Variants in SHANK2 observed in about 807,000 individuals in gnomAD.
The protein encoded by SHANK2 is SH3 and multiple ankyrin repeat domains 2.
Under a neutral mutation model 133.7 loss-of-function variants are expected in SHANK2, and 43 were observed. The ratio of observed to expected loss-of-function variants is 0.32; its 90% CI spans 0.25 to 0.41. The LOEUF (loss-of-function observed/expected upper bound fraction) is 0.41. Among genes scored for constraint, SHANK2 ranks in the 10% least tolerant of loss-of-function variants. The pLI is 1.00. For synonymous variants in SHANK2, 1,017 were observed against 952.8 expected, an observed-to-expected ratio of 1.07 and a Z score of -1.24; for missense variants, 1,994 against 2,235.8, an observed-to-expected ratio of 0.89 and a Z score of 2.18.
intron 2 of SHANK2, among the ~76,000 whole-genome samples, chr11:71,196,834 C>G (rs953227025): frequency 6.6e-5 from 10 of 151,806 alleles, no homozygotes; most frequent in Admixed American, 6.6e-5. Flanking sequence ...CCCATCTCTA[C>G]TAAAGATACA....
rs559126289 is a variant in SHANK2, at chr11:71,117,761, G to T, written c.411+1068C>A. On this transcript the variant is annotated intron_variant, in intron 4 of 25. Coordinates refer to ENST00000601538, the MANE Select transcript of SHANK2 (RefSeq NM_012309.5). The stretch of plus-strand genomic sequence containing the variant: ...CTCCTGCACGCTGGGCCCTCCCGAC[G>T]TCGCCTAGTGCACCTCTTCATCAGC... Among the ~76,000 whole-genome samples, 3 of 152,310 alleles carry T rather than the reference G, an allele frequency of 2.0e-5. No homozygotes were observed. In the South Asian group the frequency reaches 6.2e-4, roughly 32 times the overall value.
rs148306505 is a variant in SHANK2, at chr11:71,218,197, A to G, written c.-13+6500T>C. On this transcript the variant is annotated intron_variant, in intron 2 of 25. Coordinates refer to ENST00000601538, the MANE Select transcript of SHANK2 (RefSeq NM_012309.5). Reference sequence around the variant, plus strand: ...TTTAAAAAAATTAAAAGTTTATAAAATAAAAAAGTTACAGTAAGCTAAAGT... The same window carrying G: ...TTTAAAAAAATTAAAAGTTTATAAAGTAAAAAAGTTACAGTAAGCTAAAGT... Among the ~76,000 whole-genome samples the G allele has an allele frequency of 1.4e-3, 210 of 152,140 alleles. 3 individuals carry two copies. In the East Asian group the frequency reaches 0.037, roughly 27 times the overall value.
At chr11:70,632,316 G>A (rs1282361839) in intron 17 of SHANK2, among the ~76,000 whole-genome samples, 4 of 151,790 alleles carry the variant, frequency 2.6e-5, no homozygotes, top group Admixed American at 6.6e-5. Flanking sequence ...TAGTAGAGAC[G>A]GGGTTTTACC....
intron 17 of SHANK2, among the ~76,000 whole-genome samples, chr11:70,505,479 TG>T (rs1401593260): frequency 1.3e-5 from 2 of 152,004 alleles, no homozygotes; most frequent in Non-Finnish European, 2.9e-5. Flanking sequence ...CCCAGCTGCC[TG>T]GCCACTAGAT....
chr11:70,847,907 C>T (rs554766120), intron 11 of SHANK2, among the ~76,000 whole-genome samples: 2 of 152,352 alleles, frequency 1.3e-5, no homozygotes, highest in Admixed American at 1.3e-4. Flanking sequence ...CAGGAGACCA[C>T]GTCCTCCCAG....
chr11:70,691,783 A>G (rs1343049341), intron 15 of SHANK2, among the ~76,000 whole-genome samples: 10 of 152,072 alleles, frequency 6.6e-5, no homozygotes, highest in African/African-American at 2.4e-4. Flanking sequence ...AATTCCAGCT[A>G]CTCAGGAGGT....
chr11:71,061,882 G>T (rs1470145867), intron 9 of SHANK2, among the ~76,000 whole-genome samples: 1 of 151,616 alleles, frequency 6.6e-6, no homozygotes, highest in African/African-American at 2.4e-5. Flanking sequence ...TGCAGGACTT[G>T]CCCTGTGTCC....
At chr11:70,545,888 C>G (rs1221713005) in intron 17 of SHANK2, among the ~76,000 whole-genome samples, 1 of 152,162 alleles carries the variant, frequency 6.6e-6, no homozygotes, top group African/African-American at 2.4e-5. Flanking sequence ...AACCCTTGCT[C>G]AGGTCTGATA....
chr11:71,239,191 C>T (rs139546704), intron 1 of SHANK2, among the ~76,000 whole-genome samples: 3 of 152,320 alleles, frequency 2.0e-5, no homozygotes, highest in African/African-American at 7.2e-5. Flanking sequence ...GGTTGTAACA[C>T]GCAACATGCT....
intron 11 of SHANK2, among the ~76,000 whole-genome samples, chr11:70,867,680 C>G (rs1397183827): frequency 1.3e-5 from 2 of 152,212 alleles, no homozygotes; most frequent in East Asian, 1.9e-4. Context: ...CAGACATCCA[C>G]GTCTCACCCC....
chr11:70,677,574 C>A (rs182517974), intron 15 of SHANK2, among the ~76,000 whole-genome samples: 37 of 152,308 alleles, frequency 2.4e-4, no homozygotes, highest in Non-Finnish European at 8.8e-5. Context: ...CTGGTTGCCC[C>A]TGGACAACCC....
At chr11:70,664,051 C>T (rs1320700436) in intron 15 of SHANK2, among the ~76,000 whole-genome samples, 4 of 152,184 alleles carry the variant, frequency 2.6e-5, no homozygotes, top group African/African-American at 9.7e-5. Flanking sequence ...TAACCTCCAG[C>T]AGGCCTGGTA....
chr11:70,677,525 A>T (rs1944925851), intron 15 of SHANK2, among the ~76,000 whole-genome samples: 1 of 152,160 alleles, frequency 6.6e-6, no homozygotes, highest in African/African-American at 2.4e-5. Context: ...TGGCCACAGC[A>T]TGGGGGCTGA....
rs1947919887 is a variant in SHANK2, at chr11:70,796,578, G to A, written c.1777+1865C>T. ...GGAGGCAAGCTGAGCTCCAGGGCCT[G>A]GCCCTTCTCAGACAAGTGAGGCAGG... is the stretch of plus-strand genomic sequence containing the variant. On this transcript the variant is annotated intron_variant, in intron 14 of 25. Coordinates refer to ENST00000601538, the MANE Select transcript of SHANK2 (RefSeq NM_012309.5). Among the ~76,000 whole-genome samples, 3 of 152,326 alleles carry A rather than the reference G, an allele frequency of 2.0e-5. No homozygotes were observed. The South Asian group carries it at 6.2e-4, about 32-fold the overall frequency.
intron 10 of SHANK2, among the ~76,000 whole-genome samples, chr11:70,903,278 G>A (rs547040794): frequency 7.2e-5 from 11 of 152,100 alleles, no homozygotes; most frequent in Non-Finnish European, 1.0e-4. Context: ...TCGGGAGTCC[G>A]AGGCAAAAGA....
chr11:71,104,815 G>A (rs1299187208), intron 6 of SHANK2, among the ~76,000 whole-genome samples: 1 of 152,230 alleles, frequency 6.6e-6, no homozygotes. Flanking sequence ...GGTGGCAGGC[G>A]CAGAAGCTGG....
intron 10 of SHANK2, among the ~76,000 whole-genome samples, chr11:70,934,685 G>A (rs1950547826): frequency 6.6e-6 from 1 of 152,240 alleles, no homozygotes; most frequent in African/African-American, 2.4e-5. Flanking sequence ...AGAAAATGCT[G>A]CTGCTGAATA....
intron 2 of SHANK2, among the ~76,000 whole-genome samples, chr11:71,185,764 G>A (rs1953656237): frequency 6.6e-6 from 1 of 152,036 alleles, no homozygotes; most frequent in South Asian, 2.1e-4. Flanking sequence ...TTATAAAAAT[G>A]CCTCTTGCAC....
chr11:70,623,993 C>A (rs187246139), intron 17 of SHANK2, among the ~76,000 whole-genome samples: 109 of 152,242 alleles, frequency 7.2e-4, no homozygotes, highest in South Asian at 6.7e-3. Flanking sequence ...GCTAAGGGTG[C>A]GCCCAGAGCT....
Sources: gnomAD v4.1 joint callset for allele counts (sites outside exome capture counted in the v4.1 genomes callset) on GRCh38, gnomAD v4.1.1 for gene constraint, MANE v1.5 for transcripts, NCBI Gene and HGNC (gene_info 2026-07-23, HGNC 2026-07-21) for gene names.